Variants in DCC observed in about 807,000 individuals in gnomAD.
DCC encodes netrin receptor DCC.
Under a neutral mutation model 172.5 loss-of-function variants are expected in DCC, and 58 were observed. That is an observed-to-expected ratio of 0.34 (90% CI 0.27 to 0.42). The LOEUF is 0.42. Ranked by LOEUF, DCC falls within the 10% of genes least tolerant of loss-of-function variation. DCC has a pLI of 1.00. For missense variants in DCC, 1,740 were observed against 1,791.0 expected (o/e 0.97, Z 0.51); for synonymous variants, 709 against 644.5 (o/e 1.10, Z -1.52).
intron 2 of DCC, chr18:52,756,871 A>G (rs944309919): frequency 1.3e-5 from 2 of 152,202 alleles, no homozygotes; most frequent in African/African-American, 2.4e-5. Context: ...TATAAATAGA[A>G]CTAACAATTA....
chr18:52,666,022 G>T (rs527611760), intron 1 of DCC, among the ~76,000 whole-genome samples: 8 of 152,252 alleles, frequency 5.3e-5, no homozygotes, highest in Admixed American at 3.9e-4. Flanking sequence ...ATTCGGCCGG[G>T]TGCCGTGACT....
At chr18:52,950,809 C>T (rs1476744254) in intron 5 of DCC, among the ~76,000 whole-genome samples, 1 of 151,592 alleles carries the variant, frequency 6.6e-6, no homozygotes, top group African/African-American at 2.4e-5. Flanking sequence ...CCTGTAGTCC[C>T]AGCTACTCGG....
At chr18:53,041,894 T>A (rs1212666196) in intron 5 of DCC, among the ~76,000 whole-genome samples, 1 of 152,092 alleles carries the variant, frequency 6.6e-6, no homozygotes, top group Non-Finnish European at 1.5e-5. Context: ...CTTATCAGCT[T>A]TAGGGGTTTT....
chr18:53,017,196 C>G (rs1183582273), intron 5 of DCC, among the ~76,000 whole-genome samples: 4 of 152,006 alleles, frequency 2.6e-5, no homozygotes, highest in Non-Finnish European at 4.4e-5. Context: ...CTGCCTCAGC[C>G]TCCCGCGTAG....
chr18:52,941,452 TTTTAAATATTC>T (rs2145524329), intron 5 of DCC, among the ~76,000 whole-genome samples: 1 of 151,802 alleles, frequency 6.6e-6, no homozygotes, highest in Admixed American at 6.6e-5. Flanking sequence ...GTATTATAGT[TTTTAAATATTC>T]TTTAACATAC....
chr18:53,400,953 GA>G (rs1374547154), intron 18 of DCC, among the ~76,000 whole-genome samples: 4 of 152,200 alleles, frequency 2.6e-5, no homozygotes, highest in South Asian at 4.1e-4. Context: ...AAAAGACAAA[GA>G]TTTTAATTAC....
At chr18:53,390,384 C>G (rs1337153144) in intron 16 of DCC, among the ~76,000 whole-genome samples, 1 of 151,812 alleles carries the variant, frequency 6.6e-6, no homozygotes, top group East Asian at 1.9e-4. Flanking sequence ...ATTTGAAATG[C>G]AGTGGACAAA....
intron 28 of DCC, 106 bp downstream of exon 28, chr18:53,526,865 A>AGGCCACCCCT: frequency 9.1e-7 from 1 of 1,096,614 alleles, no homozygotes; most frequent in Non-Finnish European, 1.4e-6. Flanking sequence ...AGGCCACCCC[A>AGGCCACCCCT]GGCCATTGTT....
In DCC at chr18:53,487,064, C is replaced by A. The variant is rs114396939; in HGVS notation, c.3898+106C>A. The A allele has an allele frequency of 5.4e-4, 765 of 1,420,518 alleles. 1 individual carries two copies. The African/African-American group carries it at 6.7e-3, about 12-fold the overall frequency. 88.0% of individuals were successfully genotyped at this position (1,420,518 alleles called of 1,614,324 possible). ...TTATCCCTTAGAAAAGTTGATTTCC[C>A]TATGACTGTGGTACTAGAATGTTCC... On this transcript the variant is annotated intron_variant, in intron 26 of 28. Transcript: ENST00000442544.
At chr18:52,611,380 A>AT (rs1245844819) in intron 1 of DCC, among the ~76,000 whole-genome samples, 1 of 152,122 alleles carries the variant, frequency 6.6e-6, no homozygotes, top group Non-Finnish European at 1.5e-5. Context: ...TTTGTACCTA[A>AT]TTTTTTATAC....
intron 7 of DCC, among the ~76,000 whole-genome samples, chr18:53,075,716 T>C (rs1177766233): frequency 1.3e-5 from 2 of 152,178 alleles, no homozygotes; most frequent in African/African-American, 2.4e-5. Flanking sequence ...TACATACATA[T>C]AGATTATATA....
chr18:52,643,502 C>T (rs971186230), intron 1 of DCC, among the ~76,000 whole-genome samples: 2 of 152,166 alleles, frequency 1.3e-5, no homozygotes, highest in Non-Finnish European at 2.9e-5. Context: ...TAAAATTTTT[C>T]CTTTCCTCCT....
intron 2 of DCC, among the ~76,000 whole-genome samples, chr18:52,752,756 C>A: frequency 6.6e-6 from 1 of 152,106 alleles, no homozygotes; most frequent in East Asian, 1.9e-4. Context: ...CTTACCACGC[C>A]CCATCTTCCC....
chr18:53,487,529 CTT>C lies in DCC; in HGVS notation c.3898+589_3898+590del, dbSNP rs34404262. Among the ~76,000 whole-genome samples, 1,141 of 120,194 alleles carry C rather than the reference CTT, an allele frequency of 9.5e-3. 17 individuals carry two copies. Among genetic ancestry groups the C allele is most frequent in the African/African-American group, 0.033 (1,071 of 32,848 alleles). The allele number at this position is 120,194 out of a possible 152,430, so 78.9% of individuals were successfully genotyped here. ...GTGATTTCTGCTGTGCCATTTGACT[CTT>C]TTTTTTTTTTTTTTTTTGAGCACAG... is the stretch of plus-strand genomic sequence containing the variant. On this transcript the variant is annotated intron_variant, in intron 26 of 28. Coordinates refer to ENST00000442544, the MANE Select transcript of DCC (RefSeq NM_005215.4).
At chr18:52,695,054 C>T (rs979554009) in intron 1 of DCC, among the ~76,000 whole-genome samples, 14 of 152,118 alleles carry the variant, frequency 9.2e-5, no homozygotes, top group African/African-American at 3.4e-4. Flanking sequence ...CATTTAGACT[C>T]AATTTTGACA....
chr18:52,506,706 C>T lies in DCC; in HGVS notation c.91+165828C>T, dbSNP rs1002042227. On this transcript the variant is annotated intron_variant, in intron 1 of 28. Coordinates refer to ENST00000442544, the MANE Select transcript of DCC (RefSeq NM_005215.4). ...CACTCTGGAAATAGTGTCTTTCTAC[C>T]AAGAAATAAATATTCAGCATTGCTG... Among the ~76,000 whole-genome samples the T allele has an allele frequency of 9.9e-5, 15 of 151,994 alleles. No homozygotes were observed. In the East Asian group the frequency reaches 1.5e-3, roughly 16 times the overall value.
In DCC at chr18:52,923,876, T is replaced by A. The variant is rs1280031962; in HGVS notation, c.848+19T>A. 2 of 1,600,156 alleles carry A rather than the reference T, an allele frequency of 1.2e-6. No homozygotes were observed. The highest frequency in any genetic ancestry group is 1.7e-6 in the Non-Finnish European group (2 of 1,167,690). On this transcript the variant is annotated intron_variant, in intron 4 of 28. Transcript: ENST00000442544. ...AACTCAGGTATTTCACATTTAAGACTTTTTTGTAAAGTGTACTTTTGTATG... is the reference window on the plus strand; with the variant it reads ...AACTCAGGTATTTCACATTTAAGACATTTTTGTAAAGTGTACTTTTGTATG...
chr18:52,403,826 T>C lies in DCC; in HGVS notation c.91+62948T>C, dbSNP rs12953825. Among the ~76,000 whole-genome samples, 576 of 152,210 alleles carry C rather than the reference T, an allele frequency of 3.8e-3. 2 individuals carry two copies. The highest frequency in any genetic ancestry group is 5.9e-3 in the Non-Finnish European group (403 of 67,990). ...CCTCAGCAGCACTTGATGCCAGCCC[T>C]AGTGCTCTTAAAAGCAGGCCTTCTT... On this transcript the variant is annotated intron_variant, in intron 1 of 28. Coordinates refer to ENST00000442544, the MANE Select transcript of DCC (RefSeq NM_005215.4).
At position 53,148,865 on chromosome 18, in the gene DCC, C is replaced by CTTT. The variant is rs5824990; in HGVS notation, c.1262-8476_1262-8474dup. On this transcript the variant is annotated intron_variant, in intron 7 of 28. Coordinates refer to ENST00000442544, the MANE Select transcript of DCC (RefSeq NM_005215.4). ...AAACTAGCTCAGAACTTCCCAATGC[C>CTTT]TTTTTTTTTTTTTTTTTGGACAAAG... 2.4e-3 allele frequency among the ~76,000 whole-genome samples: 260 copies of CTTT among 109,768 alleles called. 20 individuals are homozygous for CTTT. The highest frequency in any genetic ancestry group is 7.1e-3 in the East Asian group (27 of 3,800). 72.0% of individuals were successfully genotyped at this position (109,768 alleles called of 152,430 possible).
Sources: gnomAD v4.1 joint callset for allele counts (sites outside exome capture counted in the v4.1 genomes callset) on GRCh38, gnomAD v4.1.1 for gene constraint, MANE v1.5 for transcripts, NCBI Gene and HGNC (gene_info 2026-07-23, HGNC 2026-07-21) for gene names.